Variants in GRM5 observed in about 807,000 individuals in gnomAD.
GRM5 encodes metabotropic glutamate receptor 5.
A neutral mutation model predicts 83.1 loss-of-function variants in GRM5; 19 were observed. The observed-to-expected ratio is 0.23, with a 90% CI of 0.16 to 0.34. GRM5 has a LOEUF of 0.34. Ranked by LOEUF, GRM5 falls within the 10% of genes least tolerant of loss-of-function variation. GRM5 has a pLI of 1.00. For synonymous variants in GRM5, 675 were observed against 633.6 expected (o/e 1.07, Z -0.98); for missense variants, 1,160 against 1,588.3 (o/e 0.73, Z 4.58).
intron 3 of GRM5, among the ~76,000 whole-genome samples, chr11:88,729,003 G>A (rs1350222994): frequency 6.6e-6 from 1 of 152,138 alleles, no homozygotes; most frequent in African/African-American, 2.4e-5. Flanking sequence ...ATTCAACATA[G>A]TATTGGAAGT....
At chr11:88,775,180 C>T (rs946987557) in intron 3 of GRM5, among the ~76,000 whole-genome samples, 5 of 151,994 alleles carry the variant, frequency 3.3e-5, no homozygotes, top group South Asian at 2.1e-4. Flanking sequence ...AGCGTGTATG[C>T]GTCCAGGAAT....
At chr11:88,746,095 T>G (rs988710190) in intron 3 of GRM5, among the ~76,000 whole-genome samples, 4 of 152,170 alleles carry the variant, frequency 2.6e-5, no homozygotes, top group African/African-American at 9.6e-5. Flanking sequence ...CAACCTTTGC[T>G]AATCACCCTT....
chr11:89,021,943 G>A, intron 2 of GRM5, among the ~76,000 whole-genome samples: 1 of 152,098 alleles, frequency 6.6e-6, no homozygotes, highest in East Asian at 1.9e-4. Context: ...TTTGGGAAAG[G>A]GGCAGACAAT....
chr11:88,833,127 C>G (rs1037409580), intron 3 of GRM5, among the ~76,000 whole-genome samples: 1 of 151,834 alleles, frequency 6.6e-6, no homozygotes, highest in Non-Finnish European at 1.5e-5. Context: ...TTGTTTTAAA[C>G]CAAAAAGCTT....
chr11:88,752,771 G>A (rs1198880579), intron 3 of GRM5, among the ~76,000 whole-genome samples: 1 of 152,022 alleles, frequency 6.6e-6, no homozygotes, highest in Non-Finnish European at 1.5e-5. Flanking sequence ...ATAAACCAAT[G>A]GAACAGAAGA....
At chr11:89,011,289 T>C (rs1281585785) in intron 2 of GRM5, among the ~76,000 whole-genome samples, 1 of 152,184 alleles carries the variant, frequency 6.6e-6, no homozygotes, top group East Asian at 1.9e-4. Context: ...TTTAACATGG[T>C]ATTGCAATAT....
chr11:88,648,331 T>G (rs1369212141), intron 4 of GRM5, among the ~76,000 whole-genome samples: 2 of 148,014 alleles, frequency 1.4e-5, no homozygotes, highest in Non-Finnish European at 3.0e-5. Flanking sequence ...CCATAAAAAA[T>G]GATGAGTTCA....
chr11:88,720,698 G>A (rs1653756247), intron 3 of GRM5, among the ~76,000 whole-genome samples: 1 of 151,950 alleles, frequency 6.6e-6, no homozygotes, highest in African/African-American at 2.4e-5. Flanking sequence ...ATATTGGAGA[G>A]CGTCCTTCTG....
chr11:88,630,134 T>C (rs1295580476), intron 4 of GRM5, among the ~76,000 whole-genome samples: 1 of 152,166 alleles, frequency 6.6e-6, no homozygotes, highest in Non-Finnish European at 1.5e-5. Flanking sequence ...AGTTTCTCTC[T>C]TCAGTAAGGT....
chr11:88,625,736 C>T (rs1938775742), intron 4 of GRM5, among the ~76,000 whole-genome samples: 1 of 152,128 alleles, frequency 6.6e-6, no homozygotes, highest in South Asian at 2.1e-4. Context: ...TGTAATAAAC[C>T]TTTGTAACAA....
intron 3 of GRM5, among the ~76,000 whole-genome samples, chr11:88,691,289 A>G (rs1940775702): frequency 1.3e-5 from 2 of 152,150 alleles, no homozygotes; most frequent in South Asian, 4.1e-4. Flanking sequence ...ACATAATTTA[A>G]TTATTGTATT....
chr11:88,517,931 T>C (rs1222518194), intron 9 of GRM5, among the ~76,000 whole-genome samples: 1 of 152,108 alleles, frequency 6.6e-6, no homozygotes, highest in Non-Finnish European at 1.5e-5. Context: ...TGTGTGTACA[T>C]ATATATGTCT....
chr11:88,520,049 T>C (rs547618833), intron 9 of GRM5, among the ~76,000 whole-genome samples: 77 of 152,306 alleles, frequency 5.1e-4, no homozygotes, highest in African/African-American at 1.8e-3. Context: ...TTCATGAGAT[T>C]GCTCTACTGT....
At chr11:89,059,422 C>T (rs987005908) in intron 1 of GRM5, among the ~76,000 whole-genome samples, 1 of 152,020 alleles carries the variant, frequency 6.6e-6, no homozygotes, top group Non-Finnish European at 1.5e-5. Flanking sequence ...CATTCCTTTG[C>T]AGAGGAAGGG....
chr11:89,025,907 C>T (rs901817645), intron 2 of GRM5, among the ~76,000 whole-genome samples: 1 of 152,070 alleles, frequency 6.6e-6, no homozygotes, highest in African/African-American at 2.4e-5. Flanking sequence ...GCACTATTCA[C>T]AATAGCAAAG....
chr11:88,561,500 C>T (rs313348), intron 8 of GRM5, among the ~76,000 whole-genome samples: 1,618 of 152,228 alleles, frequency 0.011, 27 homozygotes, highest in African/African-American at 0.037. Flanking sequence ...GTTCCATGTG[C>T]CTGGAAATTC....
intron 3 of GRM5, among the ~76,000 whole-genome samples, chr11:88,685,722 G>T (rs925251870): frequency 2.0e-5 from 3 of 152,230 alleles, no homozygotes; most frequent in African/African-American, 7.2e-5. Context: ...AGTGGCCAAG[G>T]TATAGCTTGG....
In GRM5 at chr11:88,653,533, C is replaced by T. The variant is rs1376968865; in HGVS notation, c.912-130G>A. Reference sequence around the variant, plus strand: ...GGCCCCATGATGGTCCTATATTACACCGACATGATTATTGATATAGAAGCT... The same window carrying T: ...GGCCCCATGATGGTCCTATATTACATCGACATGATTATTGATATAGAAGCT... On this transcript the variant is annotated intron_variant, in intron 3 of 9. Coordinates refer to ENST00000305447, the MANE Select transcript of GRM5 (RefSeq NM_001143831.3). The T allele has an allele frequency of 8.3e-6, 5 of 600,776 alleles. No homozygotes were observed. The South Asian group carries it at 8.7e-5, about 10-fold the overall frequency. 37.2% of individuals were successfully genotyped at this position (600,776 alleles called of 1,614,324 possible).
At chr11:88,872,763 A>T (rs566005523) in intron 2 of GRM5, among the ~76,000 whole-genome samples, 2 of 151,462 alleles carry the variant, frequency 1.3e-5, no homozygotes, top group Non-Finnish European at 3.0e-5. Flanking sequence ...ACTAGAAAAA[A>T]TCACTTAATC....
Sources: allele counts gnomAD v4.1 joint callset (sites outside exome capture counted in the v4.1 genomes callset), GRCh38; gene constraint gnomAD v4.1.1; transcripts MANE v1.5; gene names NCBI Gene and HGNC (gene_info 2026-07-23, HGNC 2026-07-21).